Variants in CAMK4 observed in about 807,000 individuals in gnomAD.
CAMK4 encodes calcium/calmodulin dependent protein kinase IV.
Under a neutral mutation model 44.9 loss-of-function variants are expected in CAMK4, and 22 were observed. The observed-to-expected ratio is 0.49, with a 90% CI of 0.35 to 0.70. The LOEUF is 0.70. Among genes scored for constraint, CAMK4 ranks in the 30% least tolerant of loss-of-function variants. CAMK4 has a pLI of 0.01. For synonymous variants in CAMK4, 218 were observed against 215.4 expected (o/e 1.01, Z -0.11); for missense variants, 498 against 586.8 (o/e 0.85, Z 1.56).
At chr5:111,483,323 C>A (rs27680) in intron 10 of CAMK4, among the ~76,000 whole-genome samples, 88,587 of 151,872 alleles carry the variant, frequency 0.58, 26,141 homozygotes, top group Non-Finnish European at 0.61. Context: ...AACTATATTT[C>A]CTAATATAGA....
intron 1 of CAMK4, among the ~76,000 whole-genome samples, chr5:111,274,020 C>A (rs1750655625): frequency 6.6e-6 from 1 of 151,374 alleles, no homozygotes; most frequent in African/African-American, 2.4e-5. Context: ...GGAGTATGGC[C>A]ACCTCATCTC....
intron 5 of CAMK4, among the ~76,000 whole-genome samples, chr5:111,433,175 T>G (rs1317109500): frequency 6.6e-6 from 1 of 152,204 alleles, no homozygotes. Flanking sequence ...CTGTCTTATA[T>G]TCATATATTC....
intron 5 of CAMK4, among the ~76,000 whole-genome samples, chr5:111,409,741 C>T (rs1485134741): frequency 6.6e-6 from 1 of 152,192 alleles, no homozygotes; most frequent in Non-Finnish European, 1.5e-5. Context: ...TACCCTAAAT[C>T]ATCTCTCTCA....
chr5:111,494,205 G>C lies in CAMK4; in HGVS notation c.*9739G>C, dbSNP rs1040947449. On this transcript the variant is annotated 3_prime_UTR_variant, in exon 11 of 11. Coordinates refer to ENST00000282356, the MANE Select transcript of CAMK4 (RefSeq NM_001744.6). ...AGTCAGTAGCCAAACACAAGAGCAT[G>C]TAAGATTTGGAGGACAAAGTATAAA... 5.3e-5 allele frequency: 8 copies of C among 152,192 alleles called. No homozygotes were observed. The highest frequency in any genetic ancestry group is 1.9e-4 in the African/African-American group (8 of 41,456). The allele number at this position is 152,192 out of a possible 1,614,324, so 9.4% of individuals were successfully genotyped here.
intron 7 of CAMK4, among the ~76,000 whole-genome samples, chr5:111,472,235 C>T (rs1354282208): frequency 6.6e-6 from 1 of 152,100 alleles, no homozygotes; most frequent in Non-Finnish European, 1.5e-5. Context: ...TGTGACATTT[C>T]CAGCCAGCAT....
intron 7 of CAMK4, among the ~76,000 whole-genome samples, chr5:111,452,287 G>A (rs550052685): frequency 1.3e-5 from 2 of 152,196 alleles, no homozygotes; most frequent in African/African-American, 4.8e-5. Context: ...GACTTAGAAA[G>A]GTCGGATGGA....
intron 1 of CAMK4, among the ~76,000 whole-genome samples, chr5:111,279,085 T>G (rs1750895729): frequency 6.6e-6 from 1 of 152,210 alleles, no homozygotes; most frequent in African/African-American, 2.4e-5. Context: ...ACACAGGGCC[T>G]GCTCAGCGAG....
chr5:111,301,652 C>A (rs79649042), intron 1 of CAMK4, among the ~76,000 whole-genome samples: 4,296 of 152,254 alleles, frequency 0.028, 207 homozygotes, highest in African/African-American at 0.097. Context: ...AAAATGAATT[C>A]TATTTTCCCA....
At chr5:111,458,780 C>G (rs1561500452) in intron 7 of CAMK4, among the ~76,000 whole-genome samples, 1 of 152,032 alleles carries the variant, frequency 6.6e-6, no homozygotes, top group Non-Finnish European at 1.5e-5. Context: ...AAAGAATGTT[C>G]TAGGTGAAGG....
At chr5:111,255,146 T>C (rs924184292) in intron 1 of CAMK4, among the ~76,000 whole-genome samples, 3 of 152,200 alleles carry the variant, frequency 2.0e-5, no homozygotes, top group Non-Finnish European at 4.4e-5. Context: ...ACATTTCTGA[T>C]GGACATTGTT....
intron 7 of CAMK4, among the ~76,000 whole-genome samples, chr5:111,458,596 C>G (rs2112996530): frequency 6.6e-6 from 1 of 151,998 alleles, no homozygotes; most frequent in Non-Finnish European, 1.5e-5. Flanking sequence ...CAACAATACA[C>G]ATGTAAAATA....
chr5:111,251,585 A>G (rs963658110), intron 1 of CAMK4, among the ~76,000 whole-genome samples: 4 of 152,226 alleles, frequency 2.6e-5, no homozygotes, highest in African/African-American at 9.6e-5. Flanking sequence ...TTCTCAAATA[A>G]AAAACAAATA....
intron 1 of CAMK4, among the ~76,000 whole-genome samples, chr5:111,245,097 T>C (rs1200991196): frequency 6.6e-6 from 1 of 152,160 alleles, no homozygotes; most frequent in Non-Finnish European, 1.5e-5. Context: ...AGTACTTTTA[T>C]GGGGCTTGCA....
Position 111,482,638 on chromosome 5 carries a change from G to A in CAMK4, c.829-147G>A. 3 of 555,344 alleles carry A rather than the reference G, an allele frequency of 5.4e-6. No individual in the cohort carries two copies. Among genetic ancestry groups the A allele is most frequent in the Non-Finnish European group, 9.4e-6 (3 of 320,000 alleles). 34.4% of individuals were successfully genotyped at this position (555,344 alleles called of 1,614,324 possible). On this transcript the variant is annotated intron_variant, in intron 9 of 10. Coordinates refer to ENST00000282356, the MANE Select transcript of CAMK4 (RefSeq NM_001744.6). This position sits in a 1 kb window ranked among gnomAD's most constrained non-coding sequence, Gnocchi z 4.9. Reference sequence around the variant, plus strand: ...ACCTGAAGCTGTGCCTACCTACAGTGGCCCCTGAGGACTTAAACAATTTTT... The same window carrying A: ...ACCTGAAGCTGTGCCTACCTACAGTAGCCCCTGAGGACTTAAACAATTTTT...
intron 7 of CAMK4, 123 bp downstream of exon 7, chr5:111,449,326 C>G (rs1202317544): frequency 5.8e-6 from 3 of 518,176 alleles, no homozygotes; most frequent in East Asian, 6.5e-5. Context: ...TGTTGCAAAT[C>G]TCTATGAGGA....
Position 111,290,367 on chromosome 5 carries a change from A to C in CAMK4, c.162-53657A>C, listed in dbSNP as rs1030859324. 6.6e-6 allele frequency among the ~76,000 whole-genome samples: 1 copy of C among 152,198 alleles called. No homozygotes were observed. Among genetic ancestry groups the C allele is most frequent in the African/African-American group, 2.4e-5 (1 of 41,440 alleles). Reference sequence around the variant, plus strand: ...TAGCCAGAGATTAGAGCCTGAGGCAAAATTATTATGAAGTATAGTTAGGGA... The same window carrying C: ...TAGCCAGAGATTAGAGCCTGAGGCACAATTATTATGAAGTATAGTTAGGGA... On this transcript the variant is annotated intron_variant, in intron 1 of 10. Transcript: ENST00000282356. This position sits in a 1 kb window ranked among gnomAD's most constrained non-coding sequence, Gnocchi z 4.5.
rs553961194 is a variant in CAMK4 at position 111,349,927 on chromosome 5, C to T, written c.240+5825C>T. 7.4e-4 allele frequency among the ~76,000 whole-genome samples: 113 copies of T among 152,096 alleles called. No individual in the cohort carries two copies. The Middle Eastern group carries it at 0.01, about 14-fold the overall frequency. On this transcript the variant is annotated intron_variant, in intron 2 of 10. Coordinates refer to ENST00000282356, the MANE Select transcript of CAMK4 (RefSeq NM_001744.6). ...CTTGTATTAATCTAACTATAAAATA[C>T]ATGCCTCTCATGAAATACCTAGTAT... is the stretch of plus-strand genomic sequence containing the variant.
At position 111,470,053 on chromosome 5, in the gene CAMK4, AT is replaced by A. The variant is rs1755009318; in HGVS notation, c.626-3257del. ...AAGGACTAATGCAAGTGGAATATGCATGCTCAATATGTGTGCATTCGGCTCC... is the reference window on the plus strand; with the variant it reads ...AAGGACTAATGCAAGTGGAATATGCAGCTCAATATGTGTGCATTCGGCTCC... On this transcript the variant is annotated intron_variant, in intron 7 of 10. Coordinates refer to ENST00000282356, the MANE Select transcript of CAMK4 (RefSeq NM_001744.6). 2.6e-5 allele frequency among the ~76,000 whole-genome samples: 4 copies of A among 152,258 alleles called. No homozygotes were observed. The South Asian group carries it at 8.3e-4, about 31-fold the overall frequency.
At chr5:111,461,676 C>T (rs1754645876) in intron 7 of CAMK4, among the ~76,000 whole-genome samples, 1 of 151,990 alleles carries the variant, frequency 6.6e-6, no homozygotes, top group African/African-American at 2.4e-5. Flanking sequence ...GATAAATCCC[C>T]TCCACCCTTC....
Sources: allele counts gnomAD v4.1 joint callset (sites outside exome capture counted in the v4.1 genomes callset), GRCh38; gene constraint gnomAD v4.1.1; non-coding constraint Gnocchi (gnomAD v3.1); transcripts MANE v1.5; gene names NCBI Gene and HGNC (gene_info 2026-07-23, HGNC 2026-07-21).